Variants in CDK6 observed in about 807,000 individuals in gnomAD.
CDK6 encodes the protein cyclin dependent kinase 6.
In CDK6, 6 loss-of-function variants were observed where a neutral mutation model predicts 37.1. The ratio of observed to expected loss-of-function variants is 0.16; its 90% CI spans 0.09 to 0.32. CDK6 has a LOEUF of 0.32. CDK6 is among the 10% of genes least tolerant of loss of function. The pLI is 1.00. For synonymous variants in CDK6, 160 were observed against 161.3 expected (o/e 0.99, Z 0.06); for missense variants, 224 against 418.9 (o/e 0.53, Z 4.06).
In CDK6 at chr7:92,611,671, T is replaced by C. The variant is rs909482683; in HGVS notation, c.*3469A>G. 2 of 229,090 alleles carry C rather than the reference T, an allele frequency of 8.7e-6. No individual in the cohort carries two copies. Among genetic ancestry groups the C allele is most frequent in the East Asian group, 6.3e-5 (1 of 15,866 alleles). 14.2% of individuals were successfully genotyped at this position (229,090 alleles called of 1,614,324 possible). A position where few individuals can be genotyped will look rare whatever the true frequency, so the allele number is the denominator to read the frequency against. ...TTAAGAGTTTTCTCATCAAGATGGA[T>C]AGTACATTCTGGAGAGTCAAACTAT... On this transcript the variant is annotated 3_prime_UTR_variant, in exon 8 of 8. Coordinates refer to ENST00000424848, the MANE Select transcript of CDK6 (RefSeq NM_001145306.2).
intron 5 of CDK6, among the ~76,000 whole-genome samples, chr7:92,657,748 C>T (rs1796729720): frequency 6.6e-6 from 1 of 152,204 alleles, no homozygotes; most frequent in Non-Finnish European, 1.5e-5. Flanking sequence ...CACAGTCTCA[C>T]TCTGTTGCCT....
At chr7:92,824,368 A>T (rs2374590) in intron 2 of CDK6, among the ~76,000 whole-genome samples, 18,239 of 152,116 alleles carry the variant, frequency 0.12, 1,163 homozygotes, top group South Asian at 0.18. Context: ...AAAAAATAAA[A>T]GAAAGAAAGA....
intron 3 of CDK6, among the ~76,000 whole-genome samples, chr7:92,769,397 T>C (rs1220343790): frequency 6.6e-6 from 1 of 152,212 alleles, no homozygotes; most frequent in Non-Finnish European, 1.5e-5. Flanking sequence ...CCATATGGTC[T>C]TGAGCTCAAA....
chr7:92,670,181 C>T (rs1363373110), intron 5 of CDK6, among the ~76,000 whole-genome samples: 2 of 152,136 alleles, frequency 1.3e-5, no homozygotes, highest in Non-Finnish European at 2.9e-5. Context: ...TCAGTTTGTT[C>T]TTATTGGTAG....
chr7:92,656,137 G>C (rs986273677), intron 5 of CDK6, among the ~76,000 whole-genome samples: 2 of 152,180 alleles, frequency 1.3e-5, no homozygotes, highest in African/African-American at 2.4e-5. Flanking sequence ...AGGAGAACAG[G>C]AGCGTGGAGG....
rs1795609205 is a variant in CDK6, at chr7:92,613,639, A to G, written c.*1501T>C. On this transcript the variant is annotated 3_prime_UTR_variant, in exon 8 of 8. Coordinates refer to ENST00000424848, the MANE Select transcript of CDK6 (RefSeq NM_001145306.2). ...TAAGCACAGCCTGGGGGATGGAGAA[A>G]AGATCATTTGATAGAGTAAATGTAT... The G allele has an allele frequency of 1.7e-5, 4 of 233,196 alleles. No individual in the cohort carries two copies. The highest frequency in any genetic ancestry group is 1.8e-4 in the South Asian group (1 of 5,536). 14.4% of individuals were successfully genotyped at this position (233,196 alleles called of 1,614,324 possible).
At chr7:92,753,125 G>A (rs965999769) in intron 3 of CDK6, among the ~76,000 whole-genome samples, 1 of 151,938 alleles carries the variant, frequency 6.6e-6, no homozygotes, top group Non-Finnish European at 1.5e-5. Context: ...CTTCACCTGT[G>A]AATACTGAAG....
intron 2 of CDK6, among the ~76,000 whole-genome samples, chr7:92,824,764 C>T (rs532780379): frequency 1.3e-5 from 2 of 152,014 alleles, no homozygotes; most frequent in African/African-American, 4.8e-5. Context: ...GTTAATAATA[C>T]CTTATATTTG....
chr7:92,679,928 A>G (rs947650640), intron 4 of CDK6, among the ~76,000 whole-genome samples: 3 of 151,750 alleles, frequency 2.0e-5, no homozygotes, highest in African/African-American at 7.3e-5. Context: ...CATGTTGCCC[A>G]GACTGGTCTC....
chr7:92,719,536 T>C (rs1798316209), intron 4 of CDK6, among the ~76,000 whole-genome samples: 1 of 152,162 alleles, frequency 6.6e-6, no homozygotes, highest in East Asian at 1.9e-4. Flanking sequence ...AAAAAGATTC[T>C]TGGAGAAAGA....
intron 5 of CDK6, among the ~76,000 whole-genome samples, chr7:92,661,206 G>A (rs1796827392): frequency 6.6e-6 from 1 of 152,190 alleles, no homozygotes; most frequent in South Asian, 2.1e-4. Flanking sequence ...AGTGTCAGGA[G>A]GACTCTGAAG....
At chr7:92,814,919 A>G (rs1421274980) in intron 2 of CDK6, among the ~76,000 whole-genome samples, 3 of 151,466 alleles carry the variant, frequency 2.0e-5, no homozygotes, top group Non-Finnish European at 4.4e-5. Flanking sequence ...ATATATAATA[A>G]TATATCTGTA....
chr7:92,729,129 T>C (rs960857619), intron 3 of CDK6, among the ~76,000 whole-genome samples: 3 of 152,166 alleles, frequency 2.0e-5, no homozygotes, highest in African/African-American at 7.2e-5. Context: ...AAAACACCTT[T>C]CCTACAGAAT....
chr7:92,804,349 C>T (rs1425462089), intron 2 of CDK6, among the ~76,000 whole-genome samples: 2 of 152,210 alleles, frequency 1.3e-5, no homozygotes, highest in Non-Finnish European at 2.9e-5. Flanking sequence ...CCAACCAAAA[C>T]AAATCAACAA....
At position 92,672,160 on chromosome 7, in the gene CDK6, T is replaced by TATATATATATAC. The variant is rs1210519115; in HGVS notation, c.538-626_538-625insGTATATATATAT. ...ATATATATATATATATATATATATATACACATACACACACACACACACAGA... is the reference window on the plus strand; with the variant it reads ...ATATATATATATATATATATATATATATATATATATACACACATACACACACACACACACAGA... On this transcript the variant is annotated intron_variant, in intron 4 of 7. Coordinates refer to ENST00000424848, the MANE Select transcript of CDK6 (RefSeq NM_001145306.2). Among the ~76,000 whole-genome samples the TATATATATATAC allele has an allele frequency of 3.0e-3, 237 of 79,048 alleles. 6 individuals carry two copies. The highest frequency in any genetic ancestry group is 5.8e-3 in the East Asian group (15 of 2,580). The allele number at this position is 79,048 out of a possible 152,430, so 51.9% of individuals were successfully genotyped here. A position where few individuals can be genotyped will look rare whatever the true frequency, so the allele number is the denominator to read the frequency against.
chr7:92,632,101 G>A (rs1337319784), intron 5 of CDK6, among the ~76,000 whole-genome samples: 1 of 151,994 alleles, frequency 6.6e-6, no homozygotes, highest in Non-Finnish European at 1.5e-5. Context: ...GAGTCTTATG[G>A]GCTCTGTTGT....
At chr7:92,817,419 C>G (rs1442993153) in intron 2 of CDK6, among the ~76,000 whole-genome samples, 2 of 151,792 alleles carry the variant, frequency 1.3e-5, no homozygotes, top group Admixed American at 1.3e-4. Flanking sequence ...CAATTCAATT[C>G]TTCAGAAAAA....
chr7:92,685,368 G>C (rs1797426188), intron 4 of CDK6, among the ~76,000 whole-genome samples: 1 of 152,126 alleles, frequency 6.6e-6, no homozygotes, highest in Admixed American at 6.5e-5. Context: ...TGCGTGTTGG[G>C]GGCAGTGTGG....
At chr7:92,766,046 C>T (rs1799572096) in intron 3 of CDK6, among the ~76,000 whole-genome samples, 1 of 151,934 alleles carries the variant, frequency 6.6e-6, no homozygotes, top group Non-Finnish European at 1.5e-5. Flanking sequence ...GGAGGCAGAT[C>T]AGAAAGGCAG....
Sources: gnomAD v4.1 joint callset for allele counts (sites outside exome capture counted in the v4.1 genomes callset) on GRCh38, gnomAD v4.1.1 for gene constraint, MANE v1.5 for transcripts, NCBI Gene and HGNC (gene_info 2026-07-23, HGNC 2026-07-21) for gene names.